The following PLCG2 variants were observed in gnomAD, a reference collection of about 807,000 sequenced individuals.
The protein encoded by PLCG2 is phospholipase C gamma 2, also known as 1-phosphatidylinositol 4,5-bisphosphate phosphodiesterase gamma-2.
Under a neutral mutation model 175.6 loss-of-function variants are expected in PLCG2, and 69 were observed. That is an observed-to-expected ratio of 0.39 (90% confidence interval 0.32 to 0.48). The LOEUF (loss-of-function observed/expected upper bound fraction) is 0.48, where lower values mean the gene tolerates loss of function less well. Ranked by LOEUF, PLCG2 falls within the 20% of genes least tolerant of loss-of-function variation. The pLI is 0.91. For missense variants in PLCG2, 1,798 were observed against 1,650.9 expected, an observed-to-expected ratio of 1.09 and a Z score of -1.54; for synonymous variants, 827 against 624.0, an observed-to-expected ratio of 1.33 and a Z score of -4.85.
intron 2 of PLCG2, among the ~76,000 whole-genome samples, chr16:81,833,149 G>C (rs997547024): frequency 1.3e-5 from 2 of 152,154 alleles, no homozygotes; most frequent in Non-Finnish European, 2.9e-5. Flanking sequence ...CCTGAGTCTG[G>C]TCTGTGAGAA....
At chr16:81,799,272 C>A (rs1911614627) in intron 2 of PLCG2, among the ~76,000 whole-genome samples, 1 of 151,746 alleles carries the variant, frequency 6.6e-6, no homozygotes, top group Admixed American at 6.6e-5. Context: ...ACCTGGTGTA[C>A]CACCTTCCAA....
chr16:81,774,451 A>G (rs9923499), upstream of PLCG2, among the ~76,000 whole-genome samples: 5,246 of 152,272 alleles, frequency 0.034, 303 homozygotes, highest in African/African-American at 0.12. Context: ...AGTGAGGCCT[A>G]ACCCCATTGA....
rs1257978139 is a variant in PLCG2, at chr16:81,907,716, A to T, written c.1499A>T (p.Asp500Val). The change falls in exon 16 of 33, where the codon GAT becomes GTT. Residue 500 changes from aspartate (D) to valine (V), a missense_variant. Physicochemically the swap from Asp to Val is radical, Grantham distance 152. Transcript: ENST00000564138. ...ACTCGGCACTACTGCGCCATTGCCG[A>T]TGCCAAGCTGTCCTTCAGTGATGAC... Reference protein sequence around the residue: ...KWTRHYCAIADAKLSFSDDIE... With the variant: ...KWTRHYCAIAVAKLSFSDDIE... The T allele has an allele frequency of 1.2e-6, 2 of 1,614,066 alleles. No homozygotes were observed. The highest frequency in any genetic ancestry group is 1.7e-6 in the Non-Finnish European group (2 of 1,179,922).
In PLCG2 at chr16:81,893,366, G is replaced by A. The variant is rs143296899; in HGVS notation, c.987-343G>A. On this transcript the variant is annotated intron_variant, in intron 11 of 32. Transcript: ENST00000564138. ...TGTTTAGACCGAGGACCCAGAGAGC[G>A]GCCATGGGGCCTTGTTAATTCATCT... is the stretch of plus-strand genomic sequence containing the variant. Among the ~76,000 whole-genome samples, 587 of 152,278 alleles carry A rather than the reference G, an allele frequency of 3.9e-3. 5 individuals are homozygous for A. The highest frequency in any genetic ancestry group is 0.014 in the African/African-American group (566 of 41,538).
intron 2 of PLCG2, among the ~76,000 whole-genome samples, chr16:81,826,676 C>G (rs1340947920): frequency 6.6e-6 from 1 of 152,164 alleles, no homozygotes; most frequent in African/African-American, 2.4e-5. Context: ...TCTTATTAAC[C>G]TCTGTCCTTG....
chr16:81,823,391 T>C (rs539350561), intron 2 of PLCG2, among the ~76,000 whole-genome samples: 1 of 152,318 alleles, frequency 6.6e-6, no homozygotes, highest in East Asian at 1.9e-4. Flanking sequence ...CCTGAAATGC[T>C]GCTCCCCACC....
chr16:81,854,034 A>C (rs1319232112), intron 2 of PLCG2, among the ~76,000 whole-genome samples: 3 of 152,062 alleles, frequency 2.0e-5, no homozygotes, highest in Non-Finnish European at 4.4e-5. Flanking sequence ...GTCAAGGTCA[A>C]CCGGACAGTT....
chr16:81,769,085 G>C (rs1202981825), intron 2 of PLCG2, among the ~76,000 whole-genome samples: 1 of 152,214 alleles, frequency 6.6e-6, no homozygotes, highest in East Asian at 1.9e-4. Context: ...TTTCTTGACT[G>C]CATGAATGAG....
At chr16:81,770,528 C>G (rs1910255015) in intron 2 of PLCG2, among the ~76,000 whole-genome samples, 2 of 151,954 alleles carry the variant, frequency 1.3e-5, no homozygotes, top group South Asian at 4.2e-4. Context: ...GCCTGGGTAA[C>G]ACGATGAAAC....
At chr16:81,852,993 G>A (rs1906494840) in intron 2 of PLCG2, among the ~76,000 whole-genome samples, 1 of 152,138 alleles carries the variant, frequency 6.6e-6, no homozygotes, top group South Asian at 2.1e-4. Context: ...ACAGAGGCTG[G>A]CTTCCCCCAG....
chr16:81,924,695 A>C (rs1224676868), intron 22 of PLCG2, among the ~76,000 whole-genome samples: 1 of 152,240 alleles, frequency 6.6e-6, no homozygotes, highest in Non-Finnish European at 1.5e-5. Flanking sequence ...TTGCAAACCA[A>C]TTCATACCTA....
chr16:81,908,096 G>A (rs917520640), intron 16 of PLCG2, among the ~76,000 whole-genome samples: 3 of 152,148 alleles, frequency 2.0e-5, no homozygotes, highest in Non-Finnish European at 2.9e-5. Context: ...CATCTTTCCC[G>A]CTGTTTATTT....
intron 2 of PLCG2, among the ~76,000 whole-genome samples, chr16:81,810,454 A>G (rs533301772): frequency 4.6e-5 from 7 of 152,308 alleles, no homozygotes; most frequent in African/African-American, 1.7e-4. Flanking sequence ...GCAACCTGCA[A>G]ACCAGTAGTT....
chr16:81,866,385 A>G (rs113523732), intron 5 of PLCG2, among the ~76,000 whole-genome samples: 16 of 110,972 alleles, frequency 1.4e-4, no homozygotes, highest in East Asian at 3.1e-4. Flanking sequence ...GGGCACCAGC[A>G]TGAGAGGACG....
chr16:81,880,604 A>G (rs146754291), intron 7 of PLCG2, among the ~76,000 whole-genome samples: 26 of 152,360 alleles, frequency 1.7e-4, no homozygotes, highest in African/African-American at 6.0e-4. Flanking sequence ...CGTAAATGTT[A>G]TAATATGATA....
intron 2 of PLCG2, among the ~76,000 whole-genome samples, chr16:81,795,794 G>A (rs994339215): frequency 4.6e-5 from 7 of 152,016 alleles, no homozygotes; most frequent in East Asian, 1.9e-4. Flanking sequence ...TGAACTCCTC[G>A]GATCAAGTGA....
rs1908362641 is a variant in PLCG2, at chr16:81,886,283, A to G, written c.766-2889A>G. On this transcript the variant is annotated intron_variant, in intron 9 of 32. Transcript: ENST00000564138. ...GGGATCTGGGGCCAGGAGAAAGTGT[A>G]GGAAATCTCTCTCTCTGCATCTGGG... is the stretch of plus-strand genomic sequence containing the variant. Among the ~76,000 whole-genome samples the G allele has an allele frequency of 2.0e-5, 3 of 152,334 alleles. No homozygotes were observed. In the South Asian group the frequency reaches 6.2e-4, roughly 32 times the overall value.
chr16:81,877,958 C>T (rs930562834), intron 7 of PLCG2, among the ~76,000 whole-genome samples: 23 of 147,686 alleles, frequency 1.6e-4, no homozygotes, highest in African/African-American at 5.5e-4. Flanking sequence ...TCCAAATCTC[C>T]CTCTTTTTTT....
intron 5 of PLCG2, among the ~76,000 whole-genome samples, chr16:81,868,885 TG>T (rs1907374763): frequency 6.6e-6 from 1 of 152,078 alleles, no homozygotes; most frequent in Non-Finnish European, 1.5e-5. Context: ...GCCTCCTCAT[TG>T]GGGCATCACT....
Sources: allele counts gnomAD v4.1 joint callset (sites outside exome capture counted in the v4.1 genomes callset), GRCh38; gene constraint gnomAD v4.1.1; transcripts MANE v1.5; gene names NCBI Gene and HGNC (gene_info 2026-07-23, HGNC 2026-07-21).